The following TACC1 variants were observed in gnomAD, a reference collection of about 807,000 sequenced individuals.
The protein encoded by TACC1 is transforming acidic coiled-coil-containing protein 1.
TACC1 carries 48 observed loss-of-function variants against 84.4 expected under a neutral mutation model. The observed-to-expected ratio is 0.57, with a 90% CI of 0.45 to 0.72. The LOEUF is 0.72. Among genes scored for constraint, TACC1 ranks in the 30% least tolerant of loss-of-function variants. The pLI is 0.00. For synonymous variants in TACC1, 372 were observed against 376.3 expected, an observed-to-expected ratio of 0.99 and a Z score of 0.13; for missense variants, 920 against 973.0, an observed-to-expected ratio of 0.95 and a Z score of 0.72.
chr8:38,796,605 C>G (rs1820045697), intron 2 of TACC1, among the ~76,000 whole-genome samples: 1 of 152,178 alleles, frequency 6.6e-6, no homozygotes, highest in African/African-American at 2.4e-5. Flanking sequence ...AATAGTCAAG[C>G]AAAAATCATC....
Position 38,847,983 on chromosome 8 carries a change from T to G in TACC1, c.2378T>G (p.Ile793Ser). The change falls in exon 13 of 13, where the codon ATC becomes AGC. Residue 793 changes from isoleucine (I) to serine (S), a missense_variant. Transcript: ENST00000317827. ...CAAGAAATTGAAGAACTGACAAAAA[T>G]CTGTGATGAGCTGATTGCAAAGCTG... ...KNQEIEELTKICDELIAKLGK... is the reference protein window; with the variant it reads ...KNQEIEELTKSCDELIAKLGK... The G allele has an allele frequency of 1.9e-6, 3 of 1,614,012 alleles. No individual in the cohort carries two copies. The highest frequency in any genetic ancestry group is 2.5e-6 in the Non-Finnish European group (3 of 1,179,950).
chr8:38,842,139 G>A (rs1030317586), intron 9 of TACC1, 148 bp from the exon 10 acceptor site: 17 of 830,166 alleles, frequency 2.0e-5, no homozygotes, highest in Middle Eastern at 7.1e-4. Context: ...TTGTTACCAC[G>A]CGTCTCCCCC....
At position 38,758,678 on chromosome 8, in the gene TACC1, C is replaced by CAAAA. The variant is rs773304871; in HGVS notation, c.26+13208_26+13211dup. Among the ~76,000 whole-genome samples the CAAAA allele has an allele frequency of 2.3e-4, 6 of 26,078 alleles. 1 individual carries two copies. The highest frequency in any genetic ancestry group is 4.7e-4 in the Non-Finnish European group (5 of 10,752). 17.1% of individuals were successfully genotyped at this position (26,078 alleles called of 152,430 possible). A position where few individuals can be genotyped will look rare whatever the true frequency, so the allele number is the denominator to read the frequency against. ...TGGGCGACAGAGGGAGACTCCATCT[C>CAAAA]AAAAAAAAAAAAAAAAAAAAAAAAA... On this transcript the variant is annotated intron_variant, in intron 3 of 14. Coordinates refer to the TACC1 transcript ENST00000518415.
In TACC1 at chr8:38,838,644, A is replaced by G. The variant is rs147826161; in HGVS notation, c.1916+98A>G. 7.5e-3 allele frequency: 7,498 copies of G among 1,002,550 alleles called. 41 individuals are homozygous for G. The highest frequency in any genetic ancestry group is 0.01 in the Non-Finnish European group (6,549 of 644,478). 62.1% of individuals were successfully genotyped at this position (1,002,550 alleles called of 1,614,324 possible). A position where few individuals can be genotyped will look rare whatever the true frequency, so the allele number is the denominator to read the frequency against. On this transcript the variant is annotated intron_variant, in intron 8 of 12. Transcript: ENST00000317827. ...ACAGTGTTTGCTTGCCACAGAACCA[A>G]GTGTTGAGAGCTTGAGGGCTTTGCT...
intron 6 of TACC1, among the ~76,000 whole-genome samples, chr8:38,831,952 A>G (rs1829345515): frequency 6.6e-6 from 1 of 152,032 alleles, no homozygotes; most frequent in Non-Finnish European, 1.5e-5. Context: ...GATTACAGGC[A>G]TGCGCCACCA....
rs193079117 is a variant in TACC1, at chr8:38,754,335, G to A, written c.26+8842G>A. ...GTAGTAAGATTCTTCCCGGCAGCCC[G>A]TCCTGTCTACCAGAGAAGGAAAACT... On this transcript the variant is annotated intron_variant, in intron 3 of 14. Transcript: ENST00000518415. Among the ~76,000 whole-genome samples the A allele has an allele frequency of 1.9e-3, 287 of 152,182 alleles. 2 individuals carry two copies. The highest frequency in any genetic ancestry group is 5.3e-3 in the African/African-American group (220 of 41,522).
At position 38,836,319 on chromosome 8, in the gene TACC1, C is replaced by G. The variant is rs1291627435; in HGVS notation, c.1839+32C>G. On this transcript the variant is annotated intron_variant, in intron 7 of 12. Coordinates refer to ENST00000317827, the MANE Select transcript of TACC1 (RefSeq NM_006283.3). Reference sequence around the variant, plus strand: ...GCTCTCCTGTTTAGTCTGCTTATCACTCCATTTCTTTGTAAGGCCCATGTA... The same window carrying G: ...GCTCTCCTGTTTAGTCTGCTTATCAGTCCATTTCTTTGTAAGGCCCATGTA... 4.4e-6 allele frequency: 7 copies of G among 1,596,116 alleles called. No homozygotes were observed. In the African/African-American group the frequency reaches 9.4e-5, roughly 21 times the overall value.
At chr8:38,831,067 C>CT in intron 5 of TACC1, 58 bp from the exon 6 acceptor site, 3 of 1,534,206 alleles carry the variant, frequency 2.0e-6, no homozygotes, top group Non-Finnish European at 2.7e-6. Context: ...GAGCCTTTCA[C>CT]TAGGGAGGAA....
chr8:38,797,927 C>G (rs1303716306), intron 2 of TACC1, among the ~76,000 whole-genome samples: 1 of 152,110 alleles, frequency 6.6e-6, no homozygotes, highest in Non-Finnish European at 1.5e-5. Context: ...AAAATATAAC[C>G]TCAAACAAAT....
At position 38,823,554 on chromosome 8, in the gene TACC1, C is replaced by T. The variant is rs1429000051; in HGVS notation, c.1392-1754C>T. Among the ~76,000 whole-genome samples, 4 of 152,306 alleles carry T rather than the reference C, an allele frequency of 2.6e-5. No homozygotes were observed. In the East Asian group the frequency reaches 5.8e-4, roughly 22 times the overall value. On this transcript the variant is annotated intron_variant, in intron 3 of 12. Coordinates refer to ENST00000317827, the MANE Select transcript of TACC1 (RefSeq NM_006283.3). ...ACACTTTATATTCGGCAGCAAGAAG[C>T]ACCGTCTCTCGAGTCCTGCCACCCT...
Position 38,820,489 on chromosome 8 carries a change from C to T in TACC1, c.1245C>T (p.Tyr415=), listed in dbSNP as rs936427028. The change falls in exon 3 of 13, where the codon TAC becomes TAT. Residue 415 remains tyrosine (Y), a synonymous_variant. Transcript: ENST00000317827. The part of the protein sequence containing the change: ...NSPPLSSEGS[Y]HFDPDNFDES... The stretch of plus-strand genomic sequence containing the variant: ...CACCCCTCTCTTCTGAGGGCTCCTA[C>T]CACTTTGACCCAGATAACTTTGACG... 3 of 1,614,074 alleles carry T rather than the reference C, an allele frequency of 1.9e-6. No individual in the cohort carries two copies. Among genetic ancestry groups the T allele is most frequent in the Non-Finnish European group, 2.5e-6 (3 of 1,180,038 alleles).
At chr8:38,787,815 G>A in intron 1 of TACC1, 72 bp downstream of exon 1, 1 of 1,353,500 alleles carries the variant, frequency 7.4e-7, no homozygotes, top group Non-Finnish European at 9.7e-7. Context: ...CTCTGTGTGC[G>A]TGTGTGTGGT....
chr8:38,830,956 T>G lies in TACC1; in HGVS notation c.1661-169T>G, dbSNP rs574686700. On this transcript the variant is annotated intron_variant, in intron 5 of 12. Transcript: ENST00000317827. ...GCTCCTCTTCTGAATGTCATGGACTTATAACAGCACTCAACAAAATGCCAG... is the reference window on the plus strand; with the variant it reads ...GCTCCTCTTCTGAATGTCATGGACTGATAACAGCACTCAACAAAATGCCAG... Among the ~76,000 whole-genome samples, 3 of 152,360 alleles carry G rather than the reference T, an allele frequency of 2.0e-5. No homozygotes were observed. In the South Asian group the frequency reaches 6.2e-4, roughly 32 times the overall value.
At chr8:38,757,533 C>T (rs1177141225) in intron 3 of TACC1, 1 of 1,097,374 alleles carries the variant, frequency 9.1e-7, no homozygotes, top group African/African-American at 1.7e-5. Context: ...GGCAGCGGGG[C>T]ACGAGCGCTC....
intron 1 of TACC1, chr8:38,788,400 T>G (rs577915070): frequency 1.1e-5 from 3 of 266,400 alleles, no homozygotes; most frequent in South Asian, 1.1e-4. Flanking sequence ...ACAAAAGGAG[T>G]CTGTTGGAAA....
Position 38,849,472 on chromosome 8 carries a change from C to T in TACC1, c.*1449C>T, listed in dbSNP as rs1832816578. ...CTTAATCTTACATGCTGAAAGTCTT[C>T]ATGGTGATATGCACTATATTCAGTA... is the stretch of plus-strand genomic sequence containing the variant. On this transcript the variant is annotated 3_prime_UTR_variant, in exon 13 of 13. Transcript: ENST00000317827. 6.6e-6 allele frequency: 1 copy of T among 152,224 alleles called. No individual in the cohort carries two copies. The highest frequency in any genetic ancestry group is 2.1e-4 in the South Asian group (1 of 4,834). The allele number at this position is 152,224 out of a possible 1,614,324, so 9.4% of individuals were successfully genotyped here. A position where few individuals can be genotyped will look rare whatever the true frequency, so the allele number is the denominator to read the frequency against.
rs780896960 is a variant in TACC1, at chr8:38,820,090, C to G, written c.846C>G (p.Ala282=). Residue 282 remains alanine, a synonymous_variant, in exon 3 of 13, where the codon GCC becomes GCG. Coordinates refer to ENST00000317827, the MANE Select transcript of TACC1 (RefSeq NM_006283.3). ...DENTSPLLGD[A]RFQKSPPDLK... Reference sequence around the variant, plus strand: ...ACACAAGTCCTTTGCTAGGAGATGCCAGGTTCCAGAAGTCTCCCCCTGACC... The same window carrying G: ...ACACAAGTCCTTTGCTAGGAGATGCGAGGTTCCAGAAGTCTCCCCCTGACC... 1.2e-6 allele frequency: 2 copies of G among 1,614,156 alleles called. No individual in the cohort carries two copies. Among genetic ancestry groups the G allele is most frequent in the Non-Finnish European group, 1.7e-6 (2 of 1,180,026 alleles).
At position 38,843,543 on chromosome 8, in the gene TACC1, C is replaced by T. The variant is rs1831656078; in HGVS notation, c.2228+148C>T. ...TTAAACCCTTTTCCCATTGTTAAAA[C>T]ATTAAAAAGTAAAAAAAGGTATATC... On this transcript the variant is annotated intron_variant, in intron 11 of 12. Transcript: ENST00000317827. 1.6e-5 allele frequency: 8 copies of T among 498,922 alleles called. No individual in the cohort carries two copies. In the South Asian group the frequency reaches 1.8e-4, roughly 11 times the overall value. 30.9% of individuals were successfully genotyped at this position (498,922 alleles called of 1,614,324 possible).
At chr8:38,847,773 G>T (rs964474908) in intron 12 of TACC1, among the ~76,000 whole-genome samples, 182 bp from the exon 13 acceptor site, 2 of 152,238 alleles carry the variant, frequency 1.3e-5, no homozygotes, top group African/African-American at 4.8e-5. Context: ...ATGATTTTAT[G>T]AGTACATTTT....
Sources: allele counts gnomAD v4.1 joint callset (sites outside exome capture counted in the v4.1 genomes callset), GRCh38; gene constraint gnomAD v4.1.1; transcripts MANE v1.5; gene names NCBI Gene and HGNC (gene_info 2026-07-23, HGNC 2026-07-21).